The following TMEM232 variants were observed in gnomAD, a reference collection of about 807,000 sequenced individuals.
The protein encoded by TMEM232 is transmembrane protein 232.
Under a neutral mutation model 78.8 loss-of-function variants are expected in TMEM232, and 80 were observed. The ratio of observed to expected loss-of-function variants is 1.01; its 90% CI spans 0.85 to 1.22. TMEM232 has a LOEUF of 1.22. TMEM232 is among the 50% of genes most tolerant of loss of function. TMEM232 has a pLI of 0.00. For missense variants in TMEM232, 881 were observed against 742.2 expected, an observed-to-expected ratio of 1.19 and a Z score of -2.17; for synonymous variants, 297 against 254.3, an observed-to-expected ratio of 1.17 and a Z score of -1.60.
At chr5:110,730,679 G>A (rs967162232), upstream of TMEM232, among the ~76,000 whole-genome samples, 5 of 152,150 alleles carry the variant, frequency 3.3e-5, no homozygotes, top group African/African-American at 1.2e-4. Flanking sequence ...ATTAGATCTT[G>A]TGAGACTTAT....
chr5:110,444,368 T>C (rs1759408596), intron 12 of TMEM232, among the ~76,000 whole-genome samples: 1 of 152,112 alleles, frequency 6.6e-6, no homozygotes, highest in South Asian at 2.1e-4. Flanking sequence ...GAGTTCAACC[T>C]AAAGTCCCCC....
At chr5:110,416,595 G>T (rs570061719), downstream of TMEM232, among the ~76,000 whole-genome samples, 2 of 152,264 alleles carry the variant, frequency 1.3e-5, no homozygotes, top group East Asian at 3.9e-4. Context: ...TGGAAGCAAA[G>T]TTCAGTGAAA....
chr5:110,431,156 G>T (rs1244634339), intron 12 of TMEM232, among the ~76,000 whole-genome samples: 2 of 151,440 alleles, frequency 1.3e-5, no homozygotes, highest in South Asian at 2.1e-4. Context: ...ACACCACTAA[G>T]TTTCCCCCCA....
chr5:110,708,461 C>T (rs531834354), intron 1 of TMEM232, among the ~76,000 whole-genome samples: 1 of 152,202 alleles, frequency 6.6e-6, no homozygotes, highest in African/African-American at 2.4e-5. Context: ...GCATTGTAAT[C>T]ATGGTATGTA....
intron 1 of TMEM232, among the ~76,000 whole-genome samples, chr5:110,680,375 C>G (rs534792151): frequency 3.4e-5 from 4 of 117,496 alleles, no homozygotes; most frequent in Non-Finnish European, 6.4e-5. Context: ...CCAGCCTAGG[C>G]AACAGAGTGA....
chr5:110,460,847 C>G (rs1761444954), intron 12 of TMEM232, among the ~76,000 whole-genome samples: 1 of 151,812 alleles, frequency 6.6e-6, no homozygotes, highest in Admixed American at 6.6e-5. Flanking sequence ...GATTAGTGAT[C>G]TTTGATGTAA....
rs563470233 is a variant in TMEM232, at chr5:110,717,319, C to G, written c.-13+9308G>C. ...CTGTAGTTAACAGAGGTCCAAGAAT[C>G]CAAGATCTGAATGAGTTCAGTTTTA... On this transcript the variant is annotated intron_variant, in intron 1 of 13. Transcript: ENST00000455884. 3.3e-5 allele frequency among the ~76,000 whole-genome samples: 5 copies of G among 152,110 alleles called. No individual in the cohort carries two copies. The South Asian group carries it at 1.0e-3, about 32-fold the overall frequency.
intron 1 of TMEM232, among the ~76,000 whole-genome samples, chr5:110,669,980 C>T (rs1791144566): frequency 6.6e-6 from 1 of 152,044 alleles, no homozygotes; most frequent in Admixed American, 6.6e-5. Flanking sequence ...TGGGACATAT[C>T]TCAAAATAAT....
intron 7 of TMEM232, among the ~76,000 whole-genome samples, chr5:110,620,488 C>A (rs1040954642): frequency 2.0e-5 from 3 of 152,120 alleles, no homozygotes; most frequent in Middle Eastern, 3.4e-3. Flanking sequence ...TTCCCAAGAT[C>A]ATCCAAATAA....
intron 7 of TMEM232, among the ~76,000 whole-genome samples, chr5:110,619,439 T>C (rs148790674): frequency 3.9e-5 from 6 of 152,324 alleles, no homozygotes; most frequent in African/African-American, 1.2e-4. Flanking sequence ...CCCATAGTTG[T>C]GTATTTATCT....
chr5:110,609,877 C>G (rs967260253), intron 8 of TMEM232, among the ~76,000 whole-genome samples: 1 of 151,884 alleles, frequency 6.6e-6, no homozygotes, highest in Non-Finnish European at 1.5e-5. Flanking sequence ...ACAGCAAAGG[C>G]TAAAGAGAGT....
intron 2 of TMEM232, among the ~76,000 whole-genome samples, chr5:110,400,515 A>G (rs1755550081): frequency 6.6e-6 from 1 of 152,050 alleles, no homozygotes; most frequent in African/African-American, 2.4e-5. Flanking sequence ...ATCAATCCAG[A>G]TTAAAAAAAT....
intron 12 of TMEM232, among the ~76,000 whole-genome samples, chr5:110,524,671 A>C (rs765882715): frequency 1.3e-5 from 2 of 152,112 alleles, no homozygotes; most frequent in African/African-American, 4.8e-5. Flanking sequence ...CATTTGGTCT[A>C]TACTGTTGTT....
intron 10 of TMEM232, among the ~76,000 whole-genome samples, chr5:110,599,072 G>C (rs538730079): frequency 1.3e-5 from 2 of 151,974 alleles, no homozygotes. Flanking sequence ...AAACTAATTT[G>C]CTTCATAAGT....
At chr5:110,415,529 T>C (rs189240632), downstream of TMEM232, among the ~76,000 whole-genome samples, 5 of 151,736 alleles carry the variant, frequency 3.3e-5, no homozygotes. Flanking sequence ...CTGCTTGGAA[T>C]AGATTGAGTC....
chr5:110,712,887 A>T (rs1796635175), intron 1 of TMEM232, among the ~76,000 whole-genome samples: 2 of 152,156 alleles, frequency 1.3e-5, no homozygotes, highest in South Asian at 4.1e-4. Flanking sequence ...CTACCATAAC[A>T]TCTAGCAATA....
chr5:110,443,161 C>A (rs1759254113), intron 12 of TMEM232, among the ~76,000 whole-genome samples: 1 of 152,132 alleles, frequency 6.6e-6, no homozygotes, highest in Non-Finnish European at 1.5e-5. Flanking sequence ...TGTGTCCTTC[C>A]CTTCAGGACA....
chr5:110,564,045 G>C (rs1343008994), intron 11 of TMEM232, among the ~76,000 whole-genome samples: 1 of 151,958 alleles, frequency 6.6e-6, no homozygotes, highest in African/African-American at 2.4e-5. Flanking sequence ...ACTTGGGGTT[G>C]CCAGTAATGG....
At chr5:110,487,147 T>G (rs1764549111) in intron 12 of TMEM232, among the ~76,000 whole-genome samples, 1 of 152,138 alleles carries the variant, frequency 6.6e-6, no homozygotes, top group Admixed American at 6.6e-5. Context: ...TACTGATTTG[T>G]GTACATTAAT....
Sources: allele counts gnomAD v4.1 joint callset (sites outside exome capture counted in the v4.1 genomes callset), GRCh38; gene constraint gnomAD v4.1.1; transcripts MANE v1.5; gene names NCBI Gene and HGNC (gene_info 2026-07-23, HGNC 2026-07-21).